Variants in KAZN observed in about 807,000 individuals in gnomAD.
The protein encoded by KAZN is kazrin.
A neutral mutation model predicts 87.4 loss-of-function variants in KAZN; 40 were observed. That is an observed-to-expected ratio of 0.46 (90% CI 0.36 to 0.60). The LOEUF is 0.60. Among genes scored for constraint, KAZN ranks in the 20% least tolerant of loss-of-function variants. The probability of loss-of-function intolerance (pLI) is 0.00; values close to 1 mark genes in which losing one functional copy is unlikely to be tolerated. For synonymous variants in KAZN, 466 were observed against 458.3 expected, an observed-to-expected ratio of 1.02 and a Z score of -0.22; for missense variants, 898 against 1,073.9, an observed-to-expected ratio of 0.84 and a Z score of 2.29.
intron 2 of KAZN, among the ~76,000 whole-genome samples, chr1:14,452,648 G>A (rs984583491): frequency 2.0e-5 from 3 of 152,170 alleles, no homozygotes; most frequent in Non-Finnish European, 2.9e-5. Context: ...CAGATGGAAA[G>A]TGCCTAAACC....
At chr1:14,696,404 A>G (rs1406245330) in intron 1 of KAZN, among the ~76,000 whole-genome samples, 1 of 152,194 alleles carries the variant, frequency 6.6e-6, no homozygotes, top group Non-Finnish European at 1.5e-5. Flanking sequence ...AGGAGGTGGG[A>G]AACTGTATCG....
At chr1:14,940,898 CTTTTTTTTTT>C (rs66777443) in intron 1 of KAZN, among the ~76,000 whole-genome samples, 32 of 54,402 alleles carry the variant, frequency 5.9e-4, no homozygotes, top group Admixed American at 2.1e-3. Flanking sequence ...TTCTACCTTT[CTTTTTTTTTT>C]TTTTTTTTTT....
At chr1:15,007,072 AAAAAAG>A (rs1165248650) in intron 2 of KAZN, among the ~76,000 whole-genome samples, 1 of 128,032 alleles carries the variant, frequency 7.8e-6, no homozygotes, top group East Asian at 2.6e-4. Flanking sequence ...AAAAAAAAAA[AAAAAAG>A]AAAAACAGAA....
intron 4 of KAZN, among the ~76,000 whole-genome samples, chr1:15,048,751 G>C (rs548340023): frequency 6.7e-6 from 1 of 148,482 alleles, no homozygotes. Context: ...ATCCTGGGTC[G>C]TCGATCCTGG....
intron 1 of KAZN, among the ~76,000 whole-genome samples, chr1:14,957,878 C>T (rs930770507): frequency 6.6e-6 from 1 of 152,164 alleles, no homozygotes; most frequent in African/African-American, 2.4e-5. Context: ...GAGGCGCCCT[C>T]GGGCTTCTGT....
chr1:14,135,243 C>T (rs1047578361), intron 1 of KAZN, among the ~76,000 whole-genome samples: 1 of 152,196 alleles, frequency 6.6e-6, no homozygotes, highest in Non-Finnish European at 1.5e-5. Flanking sequence ...CCCACATCAC[C>T]TGCTGAGTAA....
chr1:15,075,232 C>A (rs1438471155), intron 8 of KAZN, among the ~76,000 whole-genome samples: 1 of 152,134 alleles, frequency 6.6e-6, no homozygotes, highest in Non-Finnish European at 1.5e-5. Flanking sequence ...AGGGCTCCTG[C>A]CTTCCTGGCC....
intron 1 of KAZN, among the ~76,000 whole-genome samples, chr1:14,802,261 A>G (rs979454780): frequency 1.3e-5 from 2 of 151,984 alleles, no homozygotes; most frequent in Non-Finnish European, 2.9e-5. Context: ...AAAATTAGCC[A>G]GGTGTGGTGG....
chr1:13,937,129 C>T (rs1018579563), intron 1 of KAZN, among the ~76,000 whole-genome samples: 1 of 151,526 alleles, frequency 6.6e-6, no homozygotes, highest in South Asian at 2.1e-4. Flanking sequence ...TCACCATTAC[C>T]TCTGCCTCCT....
At chr1:14,903,199 C>T (rs1656127802) in intron 1 of KAZN, among the ~76,000 whole-genome samples, 1 of 152,148 alleles carries the variant, frequency 6.6e-6, no homozygotes, top group Non-Finnish European at 1.5e-5. Context: ...TCTCTCTGAT[C>T]ACCCACTTAG....
At chr1:15,085,448 C>T (rs1487641597) in intron 8 of KAZN, among the ~76,000 whole-genome samples, 1 of 152,210 alleles carries the variant, frequency 6.6e-6, no homozygotes, top group Non-Finnish European at 1.5e-5. Flanking sequence ...CTGCCTCAGC[C>T]TCCTGAGTAG....
intron 2 of KAZN, among the ~76,000 whole-genome samples, chr1:14,224,107 G>T (rs976673666): frequency 6.6e-6 from 1 of 152,116 alleles, no homozygotes; most frequent in East Asian, 1.9e-4. Context: ...AACTTCAGGG[G>T]TGAACAACTG....
At chr1:13,930,407 A>G (rs983064633) in intron 1 of KAZN, among the ~76,000 whole-genome samples, 1 of 152,240 alleles carries the variant, frequency 6.6e-6, no homozygotes, top group Non-Finnish European at 1.5e-5. Context: ...AGTGCTTCCT[A>G]TAAGCCATTG....
At chr1:13,927,776 G>A (rs1640342027) in intron 1 of KAZN, among the ~76,000 whole-genome samples, 1 of 152,230 alleles carries the variant, frequency 6.6e-6, no homozygotes, top group Non-Finnish European at 1.5e-5. Context: ...AACTGAAACA[G>A]AGAGGAAACT....
At chr1:14,392,708 A>G (rs1273836737) in intron 2 of KAZN, among the ~76,000 whole-genome samples, 2 of 152,030 alleles carry the variant, frequency 1.3e-5, no homozygotes, top group African/African-American at 4.8e-5. Flanking sequence ...ATAGAGAAAA[A>G]GTCTGCGAAC....
At chr1:14,391,816 T>A (rs1453713291) in intron 2 of KAZN, among the ~76,000 whole-genome samples, 1 of 152,216 alleles carries the variant, frequency 6.6e-6, no homozygotes, top group Non-Finnish European at 1.5e-5. Context: ...TAGTTATTTT[T>A]TCCCTTTTTA....
intron 2 of KAZN, among the ~76,000 whole-genome samples, chr1:14,405,170 G>A (rs1026332463): frequency 6.6e-6 from 1 of 152,188 alleles, no homozygotes; most frequent in African/African-American, 2.4e-5. Flanking sequence ...GCTATGTGTT[G>A]TCATGACAAC....
intron 1 of KAZN, among the ~76,000 whole-genome samples, chr1:14,102,979 G>A (rs184479211): frequency 1.3e-5 from 2 of 150,898 alleles, no homozygotes; most frequent in African/African-American, 4.9e-5. Context: ...CATGATCTCA[G>A]CTCACTGCAA....
chr1:13,893,666 A>G, exon 1 of KAZN: 1 of 1,550,420 alleles, frequency 6.4e-7, no homozygotes, highest in Non-Finnish European at 8.7e-7. Context: ...CAAAAGAGCC[A>G]TGGAATCCAC....
Sources: gnomAD v4.1 joint callset for allele counts (sites outside exome capture counted in the v4.1 genomes callset) on GRCh38, gnomAD v4.1.1 for gene constraint, MANE v1.5 for transcripts, NCBI Gene and HGNC (gene_info 2026-07-23, HGNC 2026-07-21) for gene names.